SPAG16: variants seen among roughly 807,000 people sequenced by gnomAD.
The protein encoded by SPAG16 is sperm associated antigen 16.
SPAG16 carries 86 observed loss-of-function variants against 80.4 expected under a neutral mutation model. The ratio of observed to expected loss-of-function variants is 1.07; its 90% CI spans 0.90 to 1.28. SPAG16 has a LOEUF of 1.28. Among genes scored for constraint, SPAG16 ranks in the 50% most tolerant of loss-of-function variants. The probability of loss-of-function intolerance (pLI) is 0.00; values close to 1 mark genes in which losing one functional copy is unlikely to be tolerated. For missense variants in SPAG16, 870 were observed against 765.3 expected, an observed-to-expected ratio of 1.14 and a Z score of -1.61; for synonymous variants, 294 against 265.9, an observed-to-expected ratio of 1.11 and a Z score of -1.03.
At chr2:213,504,576 A>C (rs899624442) in intron 10 of SPAG16, among the ~76,000 whole-genome samples, 2 of 152,200 alleles carry the variant, frequency 1.3e-5, no homozygotes, top group African/African-American at 4.8e-5. Context: ...CTTGTTGGAA[A>C]TAGGGAGACT....
At position 214,013,963 on chromosome 2, in the gene SPAG16, A is replaced by G. The variant is rs776225175; in HGVS notation, c.1413A>G (p.Arg471=). 1.2e-6 allele frequency: 2 copies of G among 1,613,278 alleles called. No individual in the cohort carries two copies. Among genetic ancestry groups the G allele is most frequent in the East Asian group, 2.2e-5 (1 of 44,784 alleles). ...KIWDVNSERC[R]CTLYGHTDSV... ...TCTCTCTTTATAGTGAAAGATGCAG[A>G]TGTACTTTGTATGGACATACAGATT... Residue 471 remains arginine, a synonymous_variant, in exon 13 of 16, where the codon AGA becomes AGG. Coordinates refer to ENST00000331683, the MANE Select transcript of SPAG16 (RefSeq NM_024532.5).
At chr2:213,802,829 A>G (rs1429878317) in intron 10 of SPAG16, among the ~76,000 whole-genome samples, 4 of 152,044 alleles carry the variant, frequency 2.6e-5, no homozygotes, top group Admixed American at 6.6e-5. Flanking sequence ...TCTTCCTTTC[A>G]CCACTTGTTA....
intron 9 of SPAG16, among the ~76,000 whole-genome samples, chr2:213,384,287 CAT>C (rs2067316850): frequency 6.6e-6 from 1 of 152,148 alleles, no homozygotes; most frequent in Admixed American, 6.5e-5. Context: ...ACCATAGTAT[CAT>C]ATATCCCACA....
At chr2:213,925,508 T>C (rs2078429442) in intron 11 of SPAG16, among the ~76,000 whole-genome samples, 1 of 152,092 alleles carries the variant, frequency 6.6e-6, no homozygotes, top group Non-Finnish European at 1.5e-5. Flanking sequence ...TCCACTACCC[T>C]ATCCGGCTAA....
At chr2:213,358,766 A>G (rs10186597) in intron 7 of SPAG16, among the ~76,000 whole-genome samples, 33,075 of 152,120 alleles carry the variant, frequency 0.22, 4,421 homozygotes, top group Non-Finnish European at 0.31. Context: ...TTGTCAACTC[A>G]TCAAAGTCAT....
At chr2:213,344,021 C>T (rs2064831127) in intron 6 of SPAG16, among the ~76,000 whole-genome samples, 2 of 152,056 alleles carry the variant, frequency 1.3e-5, no homozygotes, top group Non-Finnish European at 2.9e-5. Flanking sequence ...TCACTGGGTG[C>T]TTACATGAAC....
chr2:214,290,539 C>T (rs904867672), intron 15 of SPAG16, among the ~76,000 whole-genome samples: 1 of 152,078 alleles, frequency 6.6e-6, no homozygotes, highest in Admixed American at 6.5e-5. Flanking sequence ...TTTAGCACTG[C>T]TTTTGCTGTC....
chr2:213,288,992 A>G (rs2062163767), intron 1 of SPAG16, among the ~76,000 whole-genome samples: 1 of 152,238 alleles, frequency 6.6e-6, no homozygotes, highest in African/African-American at 2.4e-5. Context: ...TTACTTGTGT[A>G]AAAGTCATAG....
chr2:213,930,050 C>G lies in SPAG16; in HGVS notation c.1305C>G (p.His435Gln). ...ATTGCATTTTGACCTTTGAAGGACA[C>G]AGCCGCGCAGTGTGGTCCTGCACAT... ...KGDCILTFEG[H>Q]SRAVWSCTWH... is the part of the protein sequence containing the mutation. Residue 435 changes from histidine to glutamine, a missense_variant, in exon 12 of 16, where the codon CAC becomes CAG. His to Gln is a conservative substitution (Grantham distance 24). Coordinates refer to ENST00000331683, the MANE Select transcript of SPAG16 (RefSeq NM_024532.5). 1 of 1,614,148 alleles carries G rather than the reference C, an allele frequency of 6.2e-7. No individual in the cohort carries two copies. The highest frequency in any genetic ancestry group is 8.5e-7 in the Non-Finnish European group (1 of 1,180,008).
chr2:214,398,412 G>A (rs1241487798), intron 15 of SPAG16, among the ~76,000 whole-genome samples: 2 of 152,046 alleles, frequency 1.3e-5, no homozygotes, highest in Admixed American at 6.6e-5. Flanking sequence ...TTCCAACTTT[G>A]CCATTTTTAT....
intron 15 of SPAG16, among the ~76,000 whole-genome samples, chr2:214,210,452 T>C (rs963986779): frequency 2.0e-5 from 3 of 152,138 alleles, no homozygotes; most frequent in African/African-American, 7.2e-5. Context: ...TAATTGACTA[T>C]GATATTGATA....
chr2:214,379,187 T>C (rs1700307324), intron 15 of SPAG16, among the ~76,000 whole-genome samples: 1 of 152,254 alleles, frequency 6.6e-6, no homozygotes, highest in Non-Finnish European at 1.5e-5. Flanking sequence ...AATTTGCTTC[T>C]TAATATGTTT....
At position 213,827,393 on chromosome 2, in the gene SPAG16, ATTATT is replaced by A. The variant is rs539395379; in HGVS notation, c.1071-35088_1071-35084del. 6.0e-3 allele frequency among the ~76,000 whole-genome samples: 914 copies of A among 152,186 alleles called. 9 individuals are homozygous for A. The highest frequency in any genetic ancestry group is 0.011 in the South Asian group (55 of 4,828). On this transcript the variant is annotated intron_variant, in intron 10 of 15. Coordinates refer to ENST00000331683, the MANE Select transcript of SPAG16 (RefSeq NM_024532.5). ...GAGGCTTGAAAATATCTGATAATCT[ATTATT>A]TTAAACTAATGACAACTTGACACTC... is the stretch of plus-strand genomic sequence containing the variant.
chr2:213,444,124 G>C (rs1298478300), intron 9 of SPAG16, among the ~76,000 whole-genome samples: 3 of 152,126 alleles, frequency 2.0e-5, no homozygotes, highest in Non-Finnish European at 4.4e-5. Context: ...AGACACAAAC[G>C]CTGAATCATT....
At chr2:214,356,202 T>C (rs1387205179) in intron 15 of SPAG16, among the ~76,000 whole-genome samples, 1 of 151,176 alleles carries the variant, frequency 6.6e-6, no homozygotes, top group Non-Finnish European at 1.5e-5. Context: ...TAATAAAATT[T>C]AAAAAATGAG....
intron 12 of SPAG16, among the ~76,000 whole-genome samples, chr2:213,956,117 G>A (rs2044116973): frequency 6.6e-6 from 1 of 151,614 alleles, no homozygotes; most frequent in Non-Finnish European, 1.5e-5. Context: ...CACCATGCCT[G>A]GCTAATTTTT....
chr2:214,275,184 T>C lies in SPAG16; in HGVS notation c.1720+125918T>C, dbSNP rs549991145. On this transcript the variant is annotated intron_variant, in intron 15 of 15. Coordinates refer to ENST00000331683, the MANE Select transcript of SPAG16 (RefSeq NM_024532.5). ...TTATTGTGTCTATTTGATTCTTCTC[T>C]CTTTTCTTCTTTATTAGTCTTGCTA... Among the ~76,000 whole-genome samples, 452 of 152,340 alleles carry C rather than the reference T, an allele frequency of 3.0e-3. 1 individual carries two copies. Among genetic ancestry groups the C allele is most frequent in the Non-Finnish European group, 5.2e-3 (355 of 68,034 alleles).
chr2:214,140,717 A>AT (rs2055307621), intron 14 of SPAG16, among the ~76,000 whole-genome samples: 1 of 151,548 alleles, frequency 6.6e-6, no homozygotes, highest in Admixed American at 6.6e-5. Flanking sequence ...TTCTGTAATT[A>AT]TTTTTTTCTG....
At chr2:213,377,899 ATATATTTTTTTTT>A (rs1455809402) in intron 9 of SPAG16, among the ~76,000 whole-genome samples, 2 of 17,874 alleles carry the variant, frequency 1.1e-4, no homozygotes, top group African/African-American at 4.5e-4. Context: ...ATATATATAT[ATATATTTTTTTTT>A]TTTTTTCTTT....
Sources: allele counts gnomAD v4.1 joint callset (sites outside exome capture counted in the v4.1 genomes callset), GRCh38; gene constraint gnomAD v4.1.1; transcripts MANE v1.5; gene names NCBI Gene and HGNC (gene_info 2026-07-23, HGNC 2026-07-21).